Variants in POU1F1 observed in about 807,000 individuals in gnomAD.
POU1F1 encodes the protein pituitary-specific positive transcription factor 1.
POU1F1 carries 23 observed loss-of-function variants against 32.3 expected under a neutral mutation model. The observed-to-expected ratio is 0.71, with a 90% CI of 0.51 to 1.01. The LOEUF (loss-of-function observed/expected upper bound fraction) is 1.01. Ranked by LOEUF, POU1F1 falls within the 50% of genes least tolerant of loss-of-function variation. The pLI, the probability that POU1F1 is intolerant of heterozygous loss-of-function variation, is 0.00. For missense variants in POU1F1, 323 were observed against 341.6 expected, an observed-to-expected ratio of 0.95 and a Z score of 0.43; for synonymous variants, 120 against 115.6, an observed-to-expected ratio of 1.04 and a Z score of -0.25.
chr3:87,269,083 G>T (rs79120980), intron 2 of POU1F1, among the ~76,000 whole-genome samples: 7 of 152,094 alleles, frequency 4.6e-5, no homozygotes, highest in Non-Finnish European at 8.8e-5. Flanking sequence ...CTTGTAACAT[G>T]CACAGGAACA....
Position 87,259,999 on chromosome 3 carries a change from T to C in POU1F1, c.771A>G (p.Val257=), listed in dbSNP as rs572428799. The C allele has an allele frequency of 9.3e-6, 15 of 1,614,134 alleles. No homozygotes were observed. In the East Asian group the frequency reaches 2.0e-4, roughly 22 times the overall value. The change falls in exon 6 of 6, where the codon GTA becomes GTG. Residue 257 remains valine, a synonymous_variant. Transcript: ENST00000350375. ...TCCGGTTGCAAAACCAAACTCTTAC[T>C]ACTTCTTTCTCCAGATTCAGTTCTT... ...MAEELNLEKE[V]VRVWFCNRRQ...
intron 3 of POU1F1, among the ~76,000 whole-genome samples, chr3:87,262,716 A>G (rs1421281672): frequency 6.6e-6 from 1 of 152,170 alleles, no homozygotes; most frequent in African/African-American, 2.4e-5. Flanking sequence ...AAAACTAAGA[A>G]TTATGTCACT....
intron 2 of POU1F1, among the ~76,000 whole-genome samples, chr3:87,266,348 A>T (rs1706622081): frequency 6.8e-6 from 1 of 146,878 alleles, no homozygotes; most frequent in Non-Finnish European, 1.5e-5. Flanking sequence ...TATAATTATA[A>T]ATGTGTAATT....
intron 2 of POU1F1, among the ~76,000 whole-genome samples, chr3:87,266,875 A>T (rs1706630601): frequency 6.6e-6 from 1 of 152,022 alleles, no homozygotes; most frequent in Non-Finnish European, 1.5e-5. Flanking sequence ...ATGCTTTCAG[A>T]ATTGATTCTC....
At chr3:87,271,174 T>C (rs1314720151) in intron 2 of POU1F1, among the ~76,000 whole-genome samples, 1 of 152,100 alleles carries the variant, frequency 6.6e-6, no homozygotes, top group Non-Finnish European at 1.5e-5. Context: ...TTAATTGAAA[T>C]GAGGAAGAGG....
In POU1F1 at chr3:87,259,794, G is replaced by T; in HGVS notation, c.*100C>A. The T allele has an allele frequency of 1.0e-6, 1 of 963,932 alleles. No individual in the cohort carries two copies. Among genetic ancestry groups the T allele is most frequent in the Non-Finnish European group, 1.6e-6 (1 of 624,622 alleles). 59.7% of individuals were successfully genotyped at this position (963,932 alleles called of 1,614,324 possible). A position where few individuals can be genotyped will look rare whatever the true frequency, so the allele number is the denominator to read the frequency against. On this transcript the variant is annotated 3_prime_UTR_variant, in exon 6 of 6. Coordinates refer to ENST00000350375, the MANE Select transcript of POU1F1 (RefSeq NM_000306.4). ...AAGTAAAGCTTCTGTAAAAGCTATT[G>T]ATATAAAATGATTTTAAGTCAACCA...
Position 87,264,276 on chromosome 3 carries a change from A to AC in POU1F1, c.439+11dup. The AC allele has an allele frequency of 6.3e-7, 1 of 1,597,524 alleles. No individual in the cohort carries two copies. Among genetic ancestry groups the AC allele is most frequent in the South Asian group, 1.1e-5 (1 of 90,694 alleles). ...CAAGTTCTTTTTCCTGTTGCCTTTA[A>AC]CAAGCACATACCTAATTTAATTCGT... is the stretch of plus-strand genomic sequence containing the variant. On this transcript the variant is annotated intron_variant, in intron 3 of 5. Transcript: ENST00000350375.
At chr3:87,267,106 G>T (rs945131915) in intron 2 of POU1F1, among the ~76,000 whole-genome samples, 2 of 151,798 alleles carry the variant, frequency 1.3e-5, no homozygotes, top group African/African-American at 2.4e-5. Context: ...TTTTACTTAC[G>T]CATACTAAAA....
chr3:87,266,897 T>G (rs1017578593), intron 2 of POU1F1, among the ~76,000 whole-genome samples: 2 of 152,084 alleles, frequency 1.3e-5, no homozygotes, highest in African/African-American at 4.8e-5. Context: ...CATATATTTA[T>G]AAAACCTTCA....
In POU1F1 at chr3:87,262,100, T is replaced by C. The variant is rs1199287134; in HGVS notation, c.575A>G (p.Lys192Arg). 6.2e-7 allele frequency: 1 copy of C among 1,614,044 alleles called. No individual in the cohort carries two copies. The highest frequency in any genetic ancestry group is 1.7e-5 in the Admixed American group (1 of 60,014). The change falls in exon 4 of 6, where the codon AAA (lysine) becomes AGA (arginine). Residue 192 changes from lysine to arginine, a missense_variant. By Grantham distance (26) the Lys-to-Arg change is conservative. Transcript: ENST00000350375. The part of the protein sequence containing the change: ...NACKLKAILS[K>R]WLEEAEQVGA... ...TACTTGCTCAGCTTCCTCCAGCCAT[T>C]TGGATAATATTGCTTTCAGTTTGCA...
At chr3:87,265,695 C>T (rs1706606975) in intron 2 of POU1F1, among the ~76,000 whole-genome samples, 1 of 151,318 alleles carries the variant, frequency 6.6e-6, no homozygotes, top group African/African-American at 2.4e-5. Flanking sequence ...AATAAAAAAC[C>T]CAATACAGTA....
At chr3:87,261,781 A>G (rs989296089) in intron 4 of POU1F1, among the ~76,000 whole-genome samples, 1 of 152,140 alleles carries the variant, frequency 6.6e-6, no homozygotes, top group Admixed American at 6.5e-5. Context: ...AAAAGAGAGG[A>G]AAAAAATGGA....
Position 87,260,723 on chromosome 3 carries a change from T to C in POU1F1, c.665+550A>G, listed in dbSNP as rs371161469. 2.0e-5 allele frequency among the ~76,000 whole-genome samples: 3 copies of C among 152,098 alleles called. No homozygotes were observed. The East Asian group carries it at 5.8e-4, about 29-fold the overall frequency. Reference sequence around the variant, plus strand: ...AAGGGGAGAAGATATGGCCAGTCTCTTAGAAATGATTGTTTTCTTTCTGTT... The same window carrying C: ...AAGGGGAGAAGATATGGCCAGTCTCCTAGAAATGATTGTTTTCTTTCTGTT... On this transcript the variant is annotated intron_variant, in intron 5 of 5. Coordinates refer to ENST00000350375, the MANE Select transcript of POU1F1 (RefSeq NM_000306.4).
chr3:87,263,544 C>T (rs1219422937), intron 3 of POU1F1, among the ~76,000 whole-genome samples: 1 of 152,078 alleles, frequency 6.6e-6, no homozygotes, highest in East Asian at 1.9e-4. Flanking sequence ...TACAACTTCT[C>T]TAGAGACCAG....
intron 2 of POU1F1, among the ~76,000 whole-genome samples, chr3:87,268,898 G>T (rs944114912): frequency 6.6e-6 from 1 of 152,096 alleles, no homozygotes; most frequent in African/African-American, 2.4e-5. Context: ...AGGCAATGGG[G>T]GTCAGAGATA....
At chr3:87,268,523 C>G (rs568188077) in intron 2 of POU1F1, among the ~76,000 whole-genome samples, 1 of 152,230 alleles carries the variant, frequency 6.6e-6, no homozygotes, top group South Asian at 2.1e-4. Context: ...GCCAAACGAA[C>G]CTCTGTTTCT....
At chr3:87,276,128 T>A (rs1431253642) in intron 1 of POU1F1, among the ~76,000 whole-genome samples, 193 bp downstream of exon 1, 1 of 152,188 alleles carries the variant, frequency 6.6e-6, no homozygotes, top group South Asian at 2.1e-4. Context: ...ATTACTACAC[T>A]TACTAATATT....
chr3:87,259,596 CAT>C lies in POU1F1; in HGVS notation c.*296_*297del, dbSNP rs3840197. ...GAAAAGGAACTTATAAACCCATACTCATATGTCTGCGTGTGTGTGAGAAAGAG... is the reference window on the plus strand; with the variant it reads ...GAAAAGGAACTTATAAACCCATACTCATGTCTGCGTGTGTGTGAGAAAGAG... On this transcript the variant is annotated 3_prime_UTR_variant, in exon 6 of 6. Coordinates refer to ENST00000350375, the MANE Select transcript of POU1F1 (RefSeq NM_000306.4). The C allele has an allele frequency of 0.14, 49,773 of 356,208 alleles. 3,794 individuals carry two copies. The highest frequency in any genetic ancestry group is 0.22 in the East Asian group (3,147 of 14,580). The allele number at this position is 356,208 out of a possible 1,614,324, so 22.1% of individuals were successfully genotyped here.
chr3:87,271,273 C>T (rs960953381), intron 2 of POU1F1, among the ~76,000 whole-genome samples: 7 of 152,140 alleles, frequency 4.6e-5, no homozygotes, highest in African/African-American at 1.4e-4. Context: ...TGAACATTGG[C>T]ATATTGGCTC....
Sources: allele counts gnomAD v4.1 joint callset (sites outside exome capture counted in the v4.1 genomes callset), GRCh38; gene constraint gnomAD v4.1.1; transcripts MANE v1.5; gene names NCBI Gene and HGNC (gene_info 2026-07-23, HGNC 2026-07-21).